Variants in PTPRO observed in about 807,000 individuals in gnomAD.
PTPRO encodes receptor-type tyrosine-protein phosphatase O.
PTPRO carries 62 observed loss-of-function variants against 145.2 expected under a neutral mutation model. The observed-to-expected ratio is 0.43, with a 90% confidence interval of 0.35 to 0.53. The LOEUF is 0.53. PTPRO is among the 20% of genes least tolerant of loss of function. PTPRO has a pLI of 0.01. For synonymous variants in PTPRO, 565 were observed against 514.7 expected, an observed-to-expected ratio of 1.10 and a Z score of -1.32; for missense variants, 1,345 against 1,482.7, an observed-to-expected ratio of 0.91 and a Z score of 1.53.
intron 16 of PTPRO, among the ~76,000 whole-genome samples, chr12:15,559,586 T>C (rs548058495): frequency 2.6e-5 from 4 of 152,310 alleles, no homozygotes; most frequent in South Asian, 2.1e-4. Flanking sequence ...GAGCTACTTA[T>C]CTTGAATGAA....
rs1282894129 is a variant in PTPRO at position 15,598,011 on chromosome 12, G to T, written c.*1938G>T. Among the ~76,000 whole-genome samples, 1 of 152,136 alleles carries T rather than the reference G, an allele frequency of 6.6e-6. No individual in the cohort carries two copies. Among genetic ancestry groups the T allele is most frequent in the Non-Finnish European group, 1.5e-5 (1 of 68,018 alleles). On this transcript the variant is annotated 3_prime_UTR_variant, in exon 27 of 27. Coordinates refer to ENST00000281171, the MANE Select transcript of PTPRO (RefSeq NM_030667.3). The stretch of plus-strand genomic sequence containing the variant: ...GCTGCTCAGAGCATACAGAAGTTTT[G>T]CATCCTGGAACATTGCTTCCCATGA...
intron 11 of PTPRO, among the ~76,000 whole-genome samples, chr12:15,525,307 G>T (rs1224964238): frequency 6.6e-6 from 1 of 152,134 alleles, no homozygotes; most frequent in African/African-American, 2.4e-5. Context: ...AAGATTTGGG[G>T]ACCTTGGGAC....
intron 12 of PTPRO, among the ~76,000 whole-genome samples, chr12:15,530,472 T>C (rs1429031074): frequency 6.6e-6 from 1 of 152,190 alleles, no homozygotes; most frequent in African/African-American, 2.4e-5. Flanking sequence ...TATCATATCT[T>C]AGGACACAAA....
chr12:15,395,809 T>TCACA (rs34553766), intron 1 of PTPRO, among the ~76,000 whole-genome samples: 2,925 of 147,970 alleles, frequency 0.02, 35 homozygotes, highest in Non-Finnish European at 0.03. Context: ...CAATTAAAGA[T>TCACA]CACACACACA....
In PTPRO at chr12:15,597,397, T is replaced by C. The variant is rs185577932; in HGVS notation, c.*1324T>C. The C allele has an allele frequency of 3.9e-5, 6 of 152,344 alleles. No individual in the cohort carries two copies. The highest frequency in any genetic ancestry group is 1.2e-4 in the African/African-American group (5 of 41,580). The allele number at this position is 152,344 out of a possible 1,614,324, so 9.4% of individuals were successfully genotyped here. On this transcript the variant is annotated 3_prime_UTR_variant, in exon 27 of 27. Coordinates refer to ENST00000281171, the MANE Select transcript of PTPRO (RefSeq NM_030667.3). ...GCTGGCTGCTTCCCTGTGGCAACTG[T>C]GGCTATTGTGAGCCTCCGTGTGTGT...
chr12:15,517,207 A>G, intron 9 of PTPRO: 1 of 550,974 alleles, frequency 1.8e-6, no homozygotes, highest in Non-Finnish European at 3.2e-6. Context: ...GGCAAGGAGG[A>G]GCAAGTCATG....
intron 1 of PTPRO, among the ~76,000 whole-genome samples, chr12:15,331,248 G>A (rs890517103): frequency 4.6e-5 from 7 of 152,052 alleles, no homozygotes; most frequent in Non-Finnish European, 1.0e-4. Flanking sequence ...GCAACAGAGA[G>A]GCCCTATAAG....
chr12:15,533,787 G>A (rs1256854846), intron 12 of PTPRO, among the ~76,000 whole-genome samples: 2 of 152,094 alleles, frequency 1.3e-5, no homozygotes, highest in Admixed American at 6.6e-5. Context: ...ATTTTTCAGA[G>A]CATGTTTGAA....
chr12:15,441,048 CCA>C (rs1940751440), intron 1 of PTPRO, among the ~76,000 whole-genome samples: 1 of 152,176 alleles, frequency 6.6e-6, no homozygotes, highest in Non-Finnish European at 1.5e-5. Flanking sequence ...AACCCACAAA[CCA>C]CAGAGTATGC....
At chr12:15,524,752 G>A in intron 10 of PTPRO, 62 bp from the exon 11 acceptor site, 1 of 1,528,216 alleles carries the variant, frequency 6.5e-7, no homozygotes, top group Admixed American at 1.7e-5. Context: ...TTCATGCTCT[G>A]CTGGTAAGTA....
At chr12:15,556,012 T>C (rs1041395142) in intron 15 of PTPRO, among the ~76,000 whole-genome samples, 2 of 152,196 alleles carry the variant, frequency 1.3e-5, no homozygotes, top group African/African-American at 4.8e-5. Context: ...TGTTAGCAAA[T>C]CATCCATGTG....
intron 1 of PTPRO, among the ~76,000 whole-genome samples, chr12:15,458,337 G>T (rs1428206067): frequency 6.6e-6 from 1 of 151,972 alleles, no homozygotes; most frequent in Non-Finnish European, 1.5e-5. Context: ...CAGTGTGGAT[G>T]TCTTTGGATT....
At chr12:15,495,287 A>C (rs973055896) in intron 2 of PTPRO, among the ~76,000 whole-genome samples, 6 of 151,422 alleles carry the variant, frequency 4.0e-5, no homozygotes, top group African/African-American at 1.2e-4. Context: ...AAGCATGAAC[A>C]TGTAGCTTCA....
chr12:15,574,380 G>A (rs144078093), intron 19 of PTPRO, among the ~76,000 whole-genome samples: 1 of 152,310 alleles, frequency 6.6e-6, no homozygotes, highest in African/African-American at 2.4e-5. Flanking sequence ...GCTGAAATGT[G>A]AGAGCCCAGA....
chr12:15,400,128 T>C (rs2136297904), intron 1 of PTPRO, among the ~76,000 whole-genome samples: 1 of 150,008 alleles, frequency 6.7e-6, no homozygotes, highest in East Asian at 2.0e-4. Context: ...GTAGCTGGGA[T>C]TACAGACATG....
chr12:15,467,405 G>GGTTA (rs1418085590), intron 1 of PTPRO, among the ~76,000 whole-genome samples: 3 of 107,028 alleles, frequency 2.8e-5, no homozygotes, highest in African/African-American at 9.8e-5. Flanking sequence ...GTGAGGTAGG[G>GGTTA]GTGAGTGTGT....
chr12:15,454,374 T>A (rs1484729045), intron 1 of PTPRO, among the ~76,000 whole-genome samples: 2 of 152,194 alleles, frequency 1.3e-5, no homozygotes. Context: ...TAGAAAAAAA[T>A]GTCTATTTAA....
chr12:15,385,169 T>C (rs1222706132), intron 1 of PTPRO, among the ~76,000 whole-genome samples: 1 of 152,230 alleles, frequency 6.6e-6, no homozygotes, highest in East Asian at 1.9e-4. Context: ...TTGAAATTCA[T>C]TTTATTTCAA....
chr12:15,486,710 C>T (rs1376018044), intron 2 of PTPRO, among the ~76,000 whole-genome samples: 1 of 151,922 alleles, frequency 6.6e-6, no homozygotes, highest in African/African-American at 2.4e-5. Context: ...TACTTTCATA[C>T]ATAAATTTAA....
Sources: allele counts gnomAD v4.1 joint callset (sites outside exome capture counted in the v4.1 genomes callset), GRCh38; gene constraint gnomAD v4.1.1; transcripts MANE v1.5; gene names NCBI Gene and HGNC (gene_info 2026-07-23, HGNC 2026-07-21).